The following ABCB8 variants were observed in gnomAD, a reference collection of about 807,000 sequenced individuals.
The protein encoded by ABCB8 is mitochondrial potassium channel ATP-binding subunit.
ABCB8 carries 52 observed loss-of-function variants against 73.0 expected under a neutral mutation model. That is an observed-to-expected ratio of 0.71 (90% CI 0.57 to 0.90). The LOEUF is 0.90. Ranked by LOEUF, ABCB8 falls within the 40% of genes least tolerant of loss-of-function variation. The probability of loss-of-function intolerance (pLI) is 0.00; values close to 1 mark genes in which losing one functional copy is unlikely to be tolerated. For synonymous variants in ABCB8, 428 were observed against 423.5 expected, an observed-to-expected ratio of 1.01 and a Z score of -0.13; for missense variants, 909 against 974.6, an observed-to-expected ratio of 0.93 and a Z score of 0.90.
chr7:151,038,743 G>C (rs1242612674), intron 9 of ABCB8: 1 of 152,212 alleles, frequency 6.6e-6, no homozygotes, highest in African/African-American at 2.4e-5. Flanking sequence ...CCAGGGGCTT[G>C]TCTGTGCTGT....
chr7:151,045,360 CT>C lies in ABCB8; in HGVS notation c.*12del, dbSNP rs766156496. 1.3e-6 allele frequency: 2 copies of C among 1,527,272 alleles called. No homozygotes were observed. The highest frequency in any genetic ancestry group is 2.5e-5 in the East Asian group (1 of 40,446). The allele number at this position is 1,527,272 out of a possible 1,614,324, so 94.6% of individuals were successfully genotyped here. On this transcript the variant is annotated 3_prime_UTR_variant, in exon 16 of 16. Transcript: ENST00000358849. ...CAGCACAAGTCCTGAGAAGGGCCCC[CT>C]GAGGTGTGGTCGCTGCCAAGCATCA... is the stretch of plus-strand genomic sequence containing the variant.
Position 151,042,087 on chromosome 7 carries a change from G to C in ABCB8, c.1744G>C (p.Glu582Gln). Residue 582 changes from glutamate (E) to glutamine (Q), a missense_variant, in exon 14 of 16, where the codon GAG (glutamate) becomes CAG (glutamine). Transcript: ENST00000358849. ...NAHEFITSFP[E>Q]GYNTVVGERG... ...TCACGAGTTCATCACCAGCTTCCCC[G>C]AGGGCTACAACACGGTCGTCGGTGG... 6.2e-7 allele frequency: 1 copy of C among 1,613,146 alleles called. No individual in the cohort carries two copies. Among genetic ancestry groups the C allele is most frequent in the Non-Finnish European group, 8.5e-7 (1 of 1,179,936 alleles).
chr7:151,035,908 C>G lies in ABCB8; in HGVS notation c.954C>G (p.Asp318Glu). The G allele has an allele frequency of 6.2e-7, 1 of 1,613,698 alleles. No homozygotes were observed. Among genetic ancestry groups the G allele is most frequent in the South Asian group, 1.1e-5 (1 of 91,084 alleles). ...EQIARAMGVA[D>E]EALGNVRTVR... ...TCGCCAGGGCAATGGGCGTAGCAGA[C>G]GAGGCCCTGGGCAATGTGCGGACTG... Residue 318 changes from aspartate to glutamate, a missense_variant, in exon 7 of 16, where the codon GAC (aspartate) becomes GAG (glutamate). Coordinates refer to ENST00000358849, the MANE Select transcript of ABCB8 (RefSeq NM_007188.5).
intron 4 of ABCB8, 54 bp downstream of exon 4, chr7:151,034,653 G>C: frequency 6.2e-7 from 1 of 1,612,336 alleles, no homozygotes; most frequent in East Asian, 2.2e-5. Context: ...TGAGGGGTCT[G>C]GGGGTAGGAC....
At chr7:151,044,268 T>C in intron 15 of ABCB8, 47 bp downstream of exon 15, 1 of 1,576,606 alleles carries the variant, frequency 6.3e-7, no homozygotes, top group Admixed American at 1.7e-5. Flanking sequence ...GATGGCTTCA[T>C]CACGGACAGT....
At chr7:151,034,163 G>C (rs1226107361) in intron 2 of ABCB8, 110 bp from the exon 3 acceptor site, 1 of 1,329,920 alleles carries the variant, frequency 7.5e-7, no homozygotes, top group Non-Finnish European at 1.0e-6. Context: ...CCACAACCTG[G>C]ACAAGCGCAG....
intron 1 of ABCB8, among the ~76,000 whole-genome samples, chr7:151,032,077 C>T (rs571773005): frequency 2.0e-5 from 3 of 152,288 alleles, no homozygotes; most frequent in African/African-American, 7.2e-5. Flanking sequence ...AGGCTTCAGC[C>T]ATACAATTCC....
chr7:151,028,689 C>T, intron 1 of ABCB8, 79 bp downstream of exon 1: 2 of 1,568,568 alleles, frequency 1.3e-6, no homozygotes, highest in Non-Finnish European at 8.6e-7. Context: ...AGATGGAGTC[C>T]ACGAGCTTGC....
intron 9 of ABCB8, chr7:151,038,379 G>A (rs1041235714): frequency 6.6e-6 from 1 of 152,110 alleles, no homozygotes; most frequent in Admixed American, 6.5e-5. Flanking sequence ...AAATTAGCTG[G>A]GCATGGTGGT....
Position 151,045,242 on chromosome 7 carries a change from G to A in ABCB8, c.2050G>A (p.Gly684Arg), listed in dbSNP as rs780299935. The A allele has an allele frequency of 5.0e-6, 8 of 1,594,376 alleles. No individual in the cohort carries two copies. Among genetic ancestry groups the A allele is most frequent in the African/African-American group, 2.7e-5 (2 of 73,718 alleles). ...GTHEELLKKGGLYAELIRRQA... is the reference protein window; with the variant it reads ...GTHEELLKKGRLYAELIRRQA... ...ACATGAAGAGCTCCTGAAGAAAGGC[G>A]GGCTATACGCCGAGCTCATCCGGAG... Residue 684 changes from glycine to arginine, a missense_variant, in exon 16 of 16, where the codon GGG becomes AGG. By Grantham distance (125) the Gly-to-Arg change is moderately radical. Coordinates refer to ENST00000358849, the MANE Select transcript of ABCB8 (RefSeq NM_007188.5).
intron 2 of ABCB8, 111 bp from the exon 3 acceptor site, chr7:151,034,161 TG>T: frequency 7.6e-7 from 1 of 1,321,140 alleles, no homozygotes; most frequent in Non-Finnish European, 1.0e-6. Flanking sequence ...AGCCACAACC[TG>T]GACAAGCGCA....
intron 1 of ABCB8, chr7:151,029,188 C>G: frequency 4.5e-6 from 1 of 223,214 alleles, no homozygotes; most frequent in Non-Finnish European, 8.6e-6. Context: ...GTAATTCCAA[C>G]TACTTGGAAG....
chr7:151,033,802 C>T lies in ABCB8; in HGVS notation c.293C>T (p.Ala98Val). 6.2e-7 allele frequency: 1 copy of T among 1,614,046 alleles called. No homozygotes were observed. Among genetic ancestry groups the T allele is most frequent in the Non-Finnish European group, 8.5e-7 (1 of 1,179,978 alleles). Residue 98 changes from alanine (A) to valine (V), a missense_variant, in exon 2 of 16, where the codon GCA (alanine) becomes GTA (valine). Coordinates refer to ENST00000358849, the MANE Select transcript of ABCB8 (RefSeq NM_007188.5). ...PHLCLVALCEAEEAPPASSTP... is the reference protein window; with the variant it reads ...PHLCLVALCEVEEAPPASSTP... The stretch of plus-strand genomic sequence containing the variant: ...CTCTGCCTTGTGGCCCTGTGTGAGG[C>T]AGAAGAGGCCCCTCCTGCCAGCTCC...
At chr7:151,037,301 A>G (rs1330155679) in intron 9 of ABCB8, 2 of 702,908 alleles carry the variant, frequency 2.8e-6, no homozygotes, top group Non-Finnish European at 5.2e-6. Flanking sequence ...CATTCCATGC[A>G]TGGAAGGACC....
chr7:151,036,659 G>A lies in ABCB8; in HGVS notation c.1217+10G>A. On this transcript the variant is annotated intron_variant, in intron 9 of 15. Coordinates refer to ENST00000358849, the MANE Select transcript of ABCB8 (RefSeq NM_007188.5). ...CCCAGACAGTGCAAAGGTAAGTGGG[G>A]GCCGTTCCCATTGCTACAGAGCCCC... The A allele has an allele frequency of 6.3e-7, 1 of 1,588,140 alleles. No homozygotes were observed. Among genetic ancestry groups the A allele is most frequent in the South Asian group, 1.1e-5 (1 of 88,354 alleles).
Position 151,034,821 on chromosome 7 carries a change from A to G in ABCB8, c.757A>G (p.Ile253Val). Residue 253 changes from isoleucine to valine, a missense_variant, in exon 5 of 16, where the codon ATC becomes GTC. Coordinates refer to ENST00000358849, the MANE Select transcript of ABCB8 (RefSeq NM_007188.5). ...GTTTAAGTCATCCTTCAAGCTTGTC[A>G]TCTCCCAGGTCAGTGGCCCAGTGGC... ...QEFKSSFKLV[I>V]SQGLRSCTQV... The G allele has an allele frequency of 6.2e-7, 1 of 1,613,352 alleles. No homozygotes were observed. Among genetic ancestry groups the G allele is most frequent in the Non-Finnish European group, 8.5e-7 (1 of 1,179,690 alleles).
chr7:151,041,037 C>T, intron 12 of ABCB8, 62 bp from the exon 13 acceptor site: 2 of 1,606,146 alleles, frequency 1.2e-6, no homozygotes, highest in South Asian at 1.1e-5. Flanking sequence ...CACAAGGGGC[C>T]TTCTTTCCTG....
At chr7:151,040,215 C>T (rs1256676605) in intron 9 of ABCB8, 53 bp from the exon 10 acceptor site, 4 of 1,597,448 alleles carry the variant, frequency 2.5e-6, no homozygotes, top group Non-Finnish European at 3.4e-6. Context: ...CCTTCCCCTC[C>T]TCTGGCTCTT....
chr7:151,047,482 TCAAG>T lies in ABCB8; in HGVS notation c.*2136_*2139del, dbSNP rs1447489117. The stretch of plus-strand genomic sequence containing the variant: ...TCAGTCCTTCCAAAGTGTTTATTAA[TCAAG>T]CACCTGTCATGTGCCATTGAGCCCA... On this transcript the variant is annotated 3_prime_UTR_variant, in exon 16 of 16. Transcript: ENST00000358849. The T allele has an allele frequency of 6.6e-6, 1 of 152,248 alleles. No individual in the cohort carries two copies. The highest frequency in any genetic ancestry group is 2.4e-5 in the African/African-American group (1 of 41,452). The allele number at this position is 152,248 out of a possible 1,614,324, so 9.4% of individuals were successfully genotyped here. A position where few individuals can be genotyped will look rare whatever the true frequency, so the allele number is the denominator to read the frequency against.
Sources: allele counts gnomAD v4.1 joint callset (sites outside exome capture counted in the v4.1 genomes callset), GRCh38; gene constraint gnomAD v4.1.1; transcripts MANE v1.5; gene names NCBI Gene and HGNC (gene_info 2026-07-23, HGNC 2026-07-21).